Variants in ENTHD1 observed in about 807,000 individuals in gnomAD.
ENTHD1 encodes ENTH domain containing 1, also known as ENTH domain-containing protein 1.
ENTHD1 carries 23 observed loss-of-function variants against 39.1 expected under a neutral mutation model. That is an observed-to-expected ratio of 0.59 (90% CI 0.42 to 0.83). ENTHD1 has a LOEUF of 0.83. Among genes scored for constraint, ENTHD1 ranks in the 40% least tolerant of loss-of-function variants. The pLI, the probability that ENTHD1 is intolerant of heterozygous loss-of-function variation, is 0.00. For missense variants in ENTHD1, 624 were observed against 705.4 expected (o/e 0.88, Z 1.31); for synonymous variants, 230 against 258.2 (o/e 0.89, Z 1.05).
intron 5 of ENTHD1, among the ~76,000 whole-genome samples, chr22:39,769,512 G>T (rs868462520): frequency 6.6e-6 from 1 of 152,278 alleles, no homozygotes; most frequent in African/African-American, 2.4e-5. Flanking sequence ...TTGACTCTGG[G>T]CATTAAATCC....
chr22:39,812,414 C>G (rs2065695464), intron 5 of ENTHD1, among the ~76,000 whole-genome samples: 1 of 152,154 alleles, frequency 6.6e-6, no homozygotes, highest in African/African-American at 2.4e-5. Context: ...GAAAGAGTAA[C>G]AAGGAGGCAT....
intron 3 of ENTHD1, among the ~76,000 whole-genome samples, chr22:39,851,621 T>C (rs985850257): frequency 1.6e-4 from 25 of 152,182 alleles, no homozygotes; most frequent in Non-Finnish European, 3.4e-4. Flanking sequence ...CCCTTGAGGG[T>C]CTGGGTTCAG....
intron 2 of ENTHD1, among the ~76,000 whole-genome samples, chr22:39,870,299 G>A (rs189863810): frequency 6.2e-4 from 94 of 152,082 alleles, no homozygotes; most frequent in Middle Eastern, 6.8e-3. Flanking sequence ...ATGAGCCACC[G>A]TGTCCAGCCA....
chr22:39,778,928 C>T (rs1419391937), intron 5 of ENTHD1, among the ~76,000 whole-genome samples: 5 of 152,084 alleles, frequency 3.3e-5, no homozygotes, highest in Admixed American at 6.6e-5. Flanking sequence ...GCCTTTAAAC[C>T]TTAAAATTAT....
intron 6 of ENTHD1, among the ~76,000 whole-genome samples, chr22:39,757,331 G>A (rs867713821): frequency 1.1e-4 from 17 of 152,198 alleles, no homozygotes; most frequent in Middle Eastern, 3.4e-3. Context: ...GTCCAGTGGT[G>A]CAATCATAGC....
chr22:39,838,222 T>C (rs954063167), intron 3 of ENTHD1, among the ~76,000 whole-genome samples: 1 of 152,208 alleles, frequency 6.6e-6, no homozygotes, highest in Non-Finnish European at 1.5e-5. Context: ...AATTTTAGTA[T>C]GAATTTTTTT....
intron 2 of ENTHD1, among the ~76,000 whole-genome samples, chr22:39,882,615 T>G (rs1302436508): frequency 6.6e-6 from 1 of 152,194 alleles, no homozygotes; most frequent in Non-Finnish European, 1.5e-5. Flanking sequence ...AACAAATTGT[T>G]GTGCATGCAT....
chr22:39,882,051 G>A (rs1223823402), intron 2 of ENTHD1, among the ~76,000 whole-genome samples: 1 of 152,128 alleles, frequency 6.6e-6, no homozygotes, highest in African/African-American at 2.4e-5. Context: ...ACTTGACACT[G>A]CCTTCTTTCT....
intron 5 of ENTHD1, among the ~76,000 whole-genome samples, chr22:39,812,792 T>C (rs1382953057): frequency 2.0e-5 from 3 of 152,050 alleles, no homozygotes; most frequent in Non-Finnish European, 4.4e-5. Context: ...TTTTTTTTTG[T>C]TTTGTTTGAG....
At chr22:39,838,600 A>C (rs931674591) in intron 3 of ENTHD1, among the ~76,000 whole-genome samples, 2 of 152,128 alleles carry the variant, frequency 1.3e-5, no homozygotes, top group Non-Finnish European at 2.9e-5. Context: ...CTATGTGGGC[A>C]AACGAGCAGT....
At chr22:39,893,038 C>T (rs2066440181) in intron 1 of ENTHD1, among the ~76,000 whole-genome samples, 1 of 152,144 alleles carries the variant, frequency 6.6e-6, no homozygotes, top group Non-Finnish European at 1.5e-5. Context: ...AGACACAGTC[C>T]TCACACCCTG....
intron 5 of ENTHD1, among the ~76,000 whole-genome samples, chr22:39,785,774 C>T (rs1478003648): frequency 1.3e-5 from 2 of 152,162 alleles, no homozygotes; most frequent in Non-Finnish European, 2.9e-5. Flanking sequence ...CACCTTGGGA[C>T]TGGGTGACTG....
chr22:39,888,790 A>C (rs1021995833), intron 1 of ENTHD1, among the ~76,000 whole-genome samples: 2 of 152,152 alleles, frequency 1.3e-5, no homozygotes, highest in Non-Finnish European at 2.9e-5. Context: ...AGGCTGTTCA[A>C]AAATTCCTGG....
intron 2 of ENTHD1, among the ~76,000 whole-genome samples, chr22:39,876,534 A>G (rs1257557916): frequency 6.6e-6 from 1 of 150,638 alleles, no homozygotes; most frequent in African/African-American, 2.4e-5. Context: ...AAAAAAAAAA[A>G]GAAATTCAAA....
intron 5 of ENTHD1, among the ~76,000 whole-genome samples, chr22:39,819,348 G>T (rs2065760354): frequency 6.7e-6 from 1 of 149,830 alleles, no homozygotes; most frequent in South Asian, 2.1e-4. Context: ...CTGGGTGACA[G>T]AGCGAGACTC....
At chr22:39,850,259 G>T (rs1160668968) in intron 3 of ENTHD1, among the ~76,000 whole-genome samples, 1 of 152,114 alleles carries the variant, frequency 6.6e-6, no homozygotes, top group East Asian at 1.9e-4. Context: ...TATTTTACTG[G>T]GTATATTCAC....
intron 5 of ENTHD1, among the ~76,000 whole-genome samples, chr22:39,772,214 G>A (rs1317628135): frequency 3.3e-5 from 5 of 152,016 alleles, no homozygotes; most frequent in South Asian, 2.1e-4. Context: ...TAGATCCCTC[G>A]CATTGCAGTT....
Position 39,866,448 on chromosome 22 carries a change from C to G in ENTHD1, c.350-4441G>C, listed in dbSNP as rs542792897. On this transcript the variant is annotated intron_variant, in intron 2 of 6. Coordinates refer to ENST00000325157, the MANE Select transcript of ENTHD1 (RefSeq NM_152512.4). ...AACAAGATAATTTCAGATAAATGCT[C>G]TAAAGGAAATAAAGAAGGGTGATGT... Among the ~76,000 whole-genome samples the G allele has an allele frequency of 5.9e-5, 9 of 152,286 alleles. No individual in the cohort carries two copies. The South Asian group carries it at 1.9e-3, about 32-fold the overall frequency.
chr22:39,743,526 G>T lies in ENTHD1; in HGVS notation c.*153C>A. ...TAAAAAATAAACCACCCAAATGAAA[G>T]TATTAGTTTGAAAGATACTTGCTAA... On this transcript the variant is annotated 3_prime_UTR_variant, in exon 7 of 7. Transcript: ENST00000325157. 2.4e-6 allele frequency: 2 copies of T among 832,386 alleles called. No homozygotes were observed. The highest frequency in any genetic ancestry group is 1.7e-5 in the African/African-American group (1 of 57,552). 51.6% of individuals were successfully genotyped at this position (832,386 alleles called of 1,614,324 possible). A position where few individuals can be genotyped will look rare whatever the true frequency, so the allele number is the denominator to read the frequency against.
Sources: gnomAD v4.1 joint callset for allele counts (sites outside exome capture counted in the v4.1 genomes callset) on GRCh38, gnomAD v4.1.1 for gene constraint, MANE v1.5 for transcripts, NCBI Gene and HGNC (gene_info 2026-07-23, HGNC 2026-07-21) for gene names.